DKKL1: variants seen among roughly 807,000 people sequenced by gnomAD.
The protein encoded by DKKL1 is dickkopf-like protein 1.
Under a neutral mutation model 16.5 loss-of-function variants are expected in DKKL1, and 11 were observed. That is an observed-to-expected ratio of 0.67 (90% CI 0.42 to 1.10). DKKL1 has a LOEUF of 1.10. Ranked by LOEUF, DKKL1 falls within the 50% of genes least tolerant of loss-of-function variation. The pLI, the probability that DKKL1 is intolerant of heterozygous loss-of-function variation, is 0.00. For synonymous variants in DKKL1, 119 were observed against 133.2 expected (o/e 0.89, Z 0.73); for missense variants, 320 against 308.1 (o/e 1.04, Z -0.29).
At chr19:49,370,175 C>T (rs1025234682) in intron 4 of DKKL1, 5 of 152,164 alleles carry the variant, frequency 3.3e-5, no homozygotes, top group Non-Finnish European at 7.4e-5. Flanking sequence ...TTTGGAAGGC[C>T]AATGAATGTG....
chr19:49,367,256 G>A (rs1973288916), intron 4 of DKKL1, among the ~76,000 whole-genome samples: 1 of 152,026 alleles, frequency 6.6e-6, no homozygotes, highest in African/African-American at 2.4e-5. Context: ...GGCTGGTCTC[G>A]AACTCCTGAC....
intron 4 of DKKL1, among the ~76,000 whole-genome samples, chr19:49,374,432 C>G (rs1380001883): frequency 6.6e-6 from 1 of 152,192 alleles, no homozygotes; most frequent in Non-Finnish European, 1.5e-5. Context: ...GGATTTAATC[C>G]TAAAGTGCTC....
chr19:49,373,619 G>A (rs796261497), intron 4 of DKKL1, among the ~76,000 whole-genome samples: 13 of 152,028 alleles, frequency 8.6e-5, no homozygotes, highest in South Asian at 2.1e-4. Flanking sequence ...ACATGAGCGC[G>A]CCAGCACGCC....
intron 2 of DKKL1, 25 bp downstream of exon 2, chr19:49,364,779 G>T: frequency 6.2e-7 from 1 of 1,605,702 alleles, no homozygotes; most frequent in Non-Finnish European, 8.5e-7. Flanking sequence ...GGGGATGGGG[G>T]AAGAAGTACT....
chr19:49,371,155 G>C (rs907950476), intron 4 of DKKL1: 1 of 152,290 alleles, frequency 6.6e-6, no homozygotes, highest in African/African-American at 2.4e-5. Context: ...TGAAAAGGCA[G>C]AAGAAATGTA....
intron 2 of DKKL1, 46 bp from the exon 3 acceptor site, chr19:49,365,460 TGAG>T (rs772445869): frequency 1.2e-5 from 19 of 1,553,582 alleles, no homozygotes; most frequent in Non-Finnish European, 1.7e-5. Context: ...GGGGCTGTAC[TGAG>T]GAGATGTGAG....
At chr19:49,363,518 G>C (rs143575119), upstream of DKKL1, 1,873 of 283,016 alleles carry the variant, frequency 6.6e-3, 12 homozygotes, top group Non-Finnish European at 9.9e-3. Context: ...GTCCAGTGCA[G>C]GGGCGTGGCC....
intron 4 of DKKL1, among the ~76,000 whole-genome samples, chr19:49,374,041 G>C (rs1052132045): frequency 1.3e-5 from 2 of 151,746 alleles, no homozygotes; most frequent in Non-Finnish European, 2.9e-5. Context: ...CTGGAGTGCA[G>C]TGGTGCGATC....
intron 4 of DKKL1, among the ~76,000 whole-genome samples, chr19:49,372,688 C>T (rs1186038476): frequency 7.4e-6 from 1 of 135,002 alleles, no homozygotes. Context: ...AGCGAGACTC[C>T]GTCTCAAAAA....
At chr19:49,363,076 A>G (rs1973070650), upstream of DKKL1, 2 of 151,534 alleles carry the variant, frequency 1.3e-5, no homozygotes, top group African/African-American at 2.4e-5. Context: ...ACGTAGGTGC[A>G]GATTCCTCAT....
chr19:49,370,472 G>T (rs1973435994), intron 4 of DKKL1: 1 of 149,882 alleles, frequency 6.7e-6, no homozygotes, highest in Non-Finnish European at 1.5e-5. Context: ...GAAGGCTGAT[G>T]AATTCACCAA....
upstream of DKKL1, chr19:49,360,530 G>T (rs1028096569): frequency 1.2e-5 from 2 of 169,540 alleles, no homozygotes; most frequent in Non-Finnish European, 1.3e-5. Context: ...TTACCCTAGA[G>T]TAATGCCGAG....
chr19:49,374,739 A>T lies in DKKL1; in HGVS notation c.440A>T (p.Glu147Val). The part of the protein sequence containing the change: ...DLKVPRMEEK[E>V]ALVPIQKATD... Reference sequence around the variant, plus strand: ...CAGGTACCCAGGATGGAGGAGAAGGAGGCCCTGGTACCCATCCAGAAGGCC... The same window carrying T: ...CAGGTACCCAGGATGGAGGAGAAGGTGGCCCTGGTACCCATCCAGAAGGCC... The change falls in exon 5 of 5, where the codon GAG (glutamate) becomes GTG (valine). Residue 147 changes from glutamate (E) to valine (V), a missense_variant. Glu to Val is a moderately radical substitution (Grantham distance 121, BLOSUM62 -2). Coordinates refer to ENST00000221498, the MANE Select transcript of DKKL1 (RefSeq NM_014419.4). The T allele has an allele frequency of 6.5e-7, 1 of 1,536,214 alleles. No homozygotes were observed. The highest frequency in any genetic ancestry group is 8.8e-7 in the Non-Finnish European group (1 of 1,140,904).
intron 4 of DKKL1, among the ~76,000 whole-genome samples, chr19:49,372,202 T>C (rs1458735995): frequency 6.6e-6 from 1 of 152,204 alleles, no homozygotes; most frequent in Admixed American, 6.5e-5. Flanking sequence ...ATAATCTTTA[T>C]TGTGGGAGCT....
In DKKL1 at chr19:49,374,754, T is replaced by C. The variant is rs1206401543; in HGVS notation, c.455T>C (p.Ile152Thr). The C allele has an allele frequency of 1.9e-6, 3 of 1,571,394 alleles. No individual in the cohort carries two copies. The East Asian group carries it at 6.8e-5, about 35-fold the overall frequency. ...RMEEKEALVP[I>T]QKATDSFHTE... ...GAGGAGAAGGAGGCCCTGGTACCCA[T>C]CCAGAAGGCCACGGACAGCTTCCAC... Residue 152 changes from isoleucine to threonine, a missense_variant, in exon 5 of 5, where the codon ATC (isoleucine) becomes ACC (threonine). Ile to Thr is a moderately conservative substitution (Grantham distance 89). Transcript: ENST00000221498.
upstream of DKKL1, among the ~76,000 whole-genome samples, chr19:49,360,794 C>A (rs112770107): frequency 2.0e-5 from 1 of 49,378 alleles, no homozygotes; most frequent in East Asian, 5.8e-4. Context: ...GGACAGAGAC[C>A]AGCAAGGGGG....
chr19:49,370,550 T>C (rs1017959901), intron 4 of DKKL1: 1 of 147,706 alleles, frequency 6.8e-6, no homozygotes, highest in Non-Finnish European at 1.5e-5. Context: ...GGGGATGTTT[T>C]GCTAAATTTA....
Position 49,364,719 on chromosome 19 carries a change from A to G in DKKL1, c.148A>G (p.Ser50Gly). 6.2e-7 allele frequency: 1 copy of G among 1,613,676 alleles called. No homozygotes were observed. The highest frequency in any genetic ancestry group is 1.1e-5 in the South Asian group (1 of 91,056). ...CTCCTTGGGTCTCACAGGCCTCCAG[A>G]GCCTACTCCAAGGCTTCAGCCGACT... ...ESSLGLTGLQ[S>G]LLQGFSRLFL... The change falls in exon 2 of 5, where the codon AGC (serine) becomes GGC (glycine). Residue 50 changes from serine to glycine, a missense_variant. Transcript: ENST00000221498.
chr19:49,361,207 G>GACAGAGACCCAGGGAGAGAGGGGA (rs1972887962), upstream of DKKL1, among the ~76,000 whole-genome samples: 1 of 100,116 alleles, frequency 1.0e-5, no homozygotes, highest in Non-Finnish European at 1.8e-5. Context: ...CAGAGAGGGA[G>GACAGAGACCCAGGGAGAGAGGGGA]ACAGAGACCC....
Sources: allele counts gnomAD v4.1 joint callset (sites outside exome capture counted in the v4.1 genomes callset), GRCh38; gene constraint gnomAD v4.1.1; transcripts MANE v1.5; gene names NCBI Gene and HGNC (gene_info 2026-07-23, HGNC 2026-07-21).